PPP1R12A: variants seen among roughly 807,000 people sequenced by gnomAD.
The protein encoded by PPP1R12A is protein phosphatase 1 regulatory subunit 12A.
PPP1R12A carries 19 observed loss-of-function variants against 139.6 expected under a neutral mutation model. That is an observed-to-expected ratio of 0.14 (90% CI 0.09 to 0.20). PPP1R12A has a LOEUF of 0.20. PPP1R12A is among the 10% of genes least tolerant of loss of function. The probability of loss-of-function intolerance (pLI) is 1.00; values close to 1 mark genes in which losing one functional copy is unlikely to be tolerated. For missense variants in PPP1R12A, 925 were observed against 1,211.5 expected (o/e 0.76, Z 3.51); for synonymous variants, 427 against 420.6 (o/e 1.02, Z -0.19).
At position 79,810,030 on chromosome 12, in the gene PPP1R12A, TA is replaced by T; in HGVS notation, c.1240-21del. 4 of 1,564,626 alleles carry T rather than the reference TA, an allele frequency of 2.6e-6. No individual in the cohort carries two copies. The highest frequency in any genetic ancestry group is 3.5e-6 in the Non-Finnish European group (4 of 1,150,168). ...TGGAAACTGTGTTTATTTTATTTTT[TA>T]GGAAAAGAAAAAAGAATTTGTAAAG... On this transcript the variant is annotated intron_variant, in intron 9 of 24. Transcript: ENST00000450142.
chr12:79,923,057 C>T (rs1887566454), intron 1 of PPP1R12A, among the ~76,000 whole-genome samples: 1 of 152,016 alleles, frequency 6.6e-6, no homozygotes, highest in Admixed American at 6.6e-5. Flanking sequence ...GGTAGATCAC[C>T]TGAGGTCAGG....
intron 1 of PPP1R12A, among the ~76,000 whole-genome samples, chr12:79,873,440 A>C (rs1882771414): frequency 6.6e-6 from 1 of 151,884 alleles, no homozygotes; most frequent in African/African-American, 2.4e-5. Flanking sequence ...GGCAGTGGCC[A>C]AAAAAACCCC....
chr12:79,897,499 A>AC (rs1885239047), intron 1 of PPP1R12A, among the ~76,000 whole-genome samples: 1 of 152,188 alleles, frequency 6.6e-6, no homozygotes, highest in Non-Finnish European at 1.5e-5. Context: ...ACAAACCTGC[A>AC]CATGTACCCT....
intron 4 of PPP1R12A, among the ~76,000 whole-genome samples, chr12:79,829,712 A>T (rs1877190384): frequency 6.6e-6 from 1 of 152,162 alleles, no homozygotes; most frequent in Non-Finnish European, 1.5e-5. Flanking sequence ...ATAGAGGCAG[A>T]AACAATACTG....
chr12:79,930,048 C>A (rs1436029153), intron 1 of PPP1R12A, among the ~76,000 whole-genome samples: 1 of 152,080 alleles, frequency 6.6e-6, no homozygotes, highest in Non-Finnish European at 1.5e-5. Flanking sequence ...AGATTAGGTC[C>A]TCAGAGGCTA....
intron 2 of PPP1R12A, among the ~76,000 whole-genome samples, chr12:79,856,976 A>G (rs961608985): frequency 6.6e-6 from 1 of 152,220 alleles, no homozygotes; most frequent in African/African-American, 2.4e-5. Context: ...AAAGAACTTT[A>G]TCATATATTA....
rs372565871 is a variant in PPP1R12A at position 79,778,908 on chromosome 12, CTG to C, written c.2956-310_2956-309del. 1,208 of 245,546 alleles carry C rather than the reference CTG, an allele frequency of 4.9e-3. 11 individuals are homozygous for C. The highest frequency in any genetic ancestry group is 0.025 in the African/African-American group (1,140 of 45,450). 15.2% of individuals were successfully genotyped at this position (245,546 alleles called of 1,614,324 possible). A position where few individuals can be genotyped will look rare whatever the true frequency, so the allele number is the denominator to read the frequency against. On this transcript the variant is annotated intron_variant, in intron 23 of 24. Transcript: ENST00000450142. ...GTGAATCAATACTCAAGACTGAAGACTGTACAGAGAAGAAAAACAAAACTCAC... is the reference window on the plus strand; with the variant it reads ...GTGAATCAATACTCAAGACTGAAGACTACAGAGAAGAAAAACAAAACTCAC...
rs969179749 is a variant in PPP1R12A, at chr12:79,924,953, A to G, written c.237+9742T>C. ...AAGAATAAGCTTTTTAGAAAATATCATGTAATCACGGATATTTATTAACCA... is the reference window on the plus strand; with the variant it reads ...AAGAATAAGCTTTTTAGAAAATATCGTGTAATCACGGATATTTATTAACCA... On this transcript the variant is annotated intron_variant, in intron 1 of 24. Coordinates refer to ENST00000450142, the MANE Select transcript of PPP1R12A (RefSeq NM_002480.3). Among the ~76,000 whole-genome samples, 83 of 152,202 alleles carry G rather than the reference A, an allele frequency of 5.5e-4. 2 individuals are homozygous for G. Among genetic ancestry groups the G allele is most frequent in the Admixed American group, 1.5e-3 (23 of 15,282 alleles).
chr12:79,796,863 A>C lies in PPP1R12A; in HGVS notation c.2380T>G (p.Ser794Ala). The C allele has an allele frequency of 6.2e-7, 1 of 1,611,454 alleles. No homozygotes were observed. Among genetic ancestry groups the C allele is most frequent in the South Asian group, 1.1e-5 (1 of 91,002 alleles). The change falls in exon 17 of 25, where the codon TCA (serine) becomes GCA (alanine). Residue 794 changes from serine (S) to alanine (A), a missense_variant. By Grantham distance (99) the Ser-to-Ala change is moderately conservative. Transcript: ENST00000450142. ...LSTMSSSLYA[S>A]SQLNRPNSLV... Reference sequence around the variant, plus strand: ...CTATTTGGCCTGTTTAGTTGACTTGAAGCATACAGTGAACTGCTCATAGTA... The same window carrying C: ...CTATTTGGCCTGTTTAGTTGACTTGCAGCATACAGTGAACTGCTCATAGTA...
At chr12:79,918,229 T>G (rs1394300731) in intron 1 of PPP1R12A, among the ~76,000 whole-genome samples, 1 of 152,024 alleles carries the variant, frequency 6.6e-6, no homozygotes, top group Non-Finnish European at 1.5e-5. Context: ...TGTTTTCTAC[T>G]TGGTTTTCAC....
chr12:79,846,594 TCA>T (rs139527478), intron 2 of PPP1R12A, among the ~76,000 whole-genome samples: 2,609 of 148,190 alleles, frequency 0.018, 82 homozygotes, highest in African/African-American at 0.062. Context: ...TGCGCGTGGC[TCA>T]TTTTTTTTTT....
At chr12:79,904,661 T>C (rs1024537901) in intron 1 of PPP1R12A, among the ~76,000 whole-genome samples, 4 of 152,222 alleles carry the variant, frequency 2.6e-5, no homozygotes, top group East Asian at 1.9e-4. Flanking sequence ...CTCTATTTCT[T>C]TGAACCTATA....
chr12:79,924,564 G>C (rs1476073037), intron 1 of PPP1R12A, among the ~76,000 whole-genome samples: 1 of 152,014 alleles, frequency 6.6e-6, no homozygotes. Flanking sequence ...GAGTAGCTGG[G>C]ACCACAGATG....
chr12:79,792,529 A>G (rs754149973), intron 19 of PPP1R12A, among the ~76,000 whole-genome samples: 3 of 152,170 alleles, frequency 2.0e-5, no homozygotes, highest in Middle Eastern at 3.2e-3. Flanking sequence ...TAAACAATCT[A>G]AAGTAAACAA....
At chr12:79,883,122 G>A (rs1883795022) in intron 1 of PPP1R12A, among the ~76,000 whole-genome samples, 1 of 152,084 alleles carries the variant, frequency 6.6e-6, no homozygotes, top group Non-Finnish European at 1.5e-5. Flanking sequence ...CGGCGACAGA[G>A]CAAGACTCCG....
intron 3 of PPP1R12A, among the ~76,000 whole-genome samples, chr12:79,840,148 T>A (rs1175824053): frequency 1.3e-5 from 2 of 152,182 alleles, no homozygotes; most frequent in Non-Finnish European, 2.9e-5. Flanking sequence ...TACCACTTCC[T>A]ACCTGTATGA....
chr12:79,813,787 C>T (rs1167977344), intron 9 of PPP1R12A, among the ~76,000 whole-genome samples: 1 of 152,126 alleles, frequency 6.6e-6, no homozygotes, highest in African/African-American at 2.4e-5. Flanking sequence ...TTAAAGTAAA[C>T]ACATCTATCT....
At chr12:79,846,819 T>C (rs981060812) in intron 2 of PPP1R12A, among the ~76,000 whole-genome samples, 1 of 152,030 alleles carries the variant, frequency 6.6e-6, no homozygotes, top group Non-Finnish European at 1.5e-5. Flanking sequence ...GATCTGGCCT[T>C]GTCTTCTTTT....
In PPP1R12A at chr12:79,924,473, G is replaced by A. The variant is rs182464257; in HGVS notation, c.237+10222C>T. 5.5e-3 allele frequency among the ~76,000 whole-genome samples: 831 copies of A among 152,280 alleles called. 5 individuals are homozygous for A. The highest frequency in any genetic ancestry group is 0.019 in the African/African-American group (790 of 41,534). The stretch of plus-strand genomic sequence containing the variant: ...AGACCTGGTCTCACTCTGTCGTTCA[G>A]GCTAGAATGCAGTGGCGTGATCACA... On this transcript the variant is annotated intron_variant, in intron 1 of 24. Coordinates refer to ENST00000450142, the MANE Select transcript of PPP1R12A (RefSeq NM_002480.3).
Sources: gnomAD v4.1 joint callset for allele counts (sites outside exome capture counted in the v4.1 genomes callset) on GRCh38, gnomAD v4.1.1 for gene constraint, MANE v1.5 for transcripts, NCBI Gene and HGNC (gene_info 2026-07-23, HGNC 2026-07-21) for gene names.